The following TOGARAM2 variants were observed in gnomAD, a reference collection of about 807,000 sequenced individuals.
The protein encoded by TOGARAM2 is TOG array regulator of axonemal microtubules protein 2.
In TOGARAM2, 85 loss-of-function variants were observed where a neutral mutation model predicts 93.3. That is an observed-to-expected ratio of 0.91 (90% confidence interval 0.76 to 1.09). TOGARAM2 has a LOEUF of 1.09. Ranked by LOEUF, TOGARAM2 falls within the 50% of genes least tolerant of loss-of-function variation. The pLI is 0.00. For missense variants in TOGARAM2, 1,277 were observed against 1,334.5 expected (o/e 0.96, Z 0.67); for synonymous variants, 593 against 552.8 (o/e 1.07, Z -1.02).
At position 29,017,809 on chromosome 2, in the gene TOGARAM2, G is replaced by A. The variant is rs1428497076; in HGVS notation, c.1213G>A (p.Gly405Ser). ...FMKEGLLPLR[G>S]SGTLSVPTRL... is the part of the protein sequence containing the mutation. ...GTCCACAGGCCTCCTTCCCCTCCGG[G>A]GCAGCGGGACACTGTCTGTGCCCAC... The change falls in exon 10 of 20, where the codon GGC becomes AGC. Residue 405 changes from glycine (G) to serine (S), a missense_variant. Transcript: ENST00000379558. The A allele has an allele frequency of 6.8e-6, 11 of 1,610,434 alleles. No homozygotes were observed. The highest frequency in any genetic ancestry group is 8.5e-6 in the Non-Finnish European group (10 of 1,177,918).
At chr2:29,015,308 C>T (rs1342572309) in intron 8 of TOGARAM2, among the ~76,000 whole-genome samples, 1 of 152,176 alleles carries the variant, frequency 6.6e-6, no homozygotes, top group Non-Finnish European at 1.5e-5. Flanking sequence ...TCTGCGCTCC[C>T]TCCTGTGGCC....
chr2:28,986,216 C>T (rs1256222045), intron 1 of TOGARAM2, among the ~76,000 whole-genome samples: 7 of 151,690 alleles, frequency 4.6e-5, no homozygotes, highest in African/African-American at 1.7e-4. Context: ...CCCTGCTTGT[C>T]ACTTATCTCA....
rs545596352 is a variant in TOGARAM2, at chr2:29,002,593, G to A, written c.485G>A (p.Arg162Gln). The change falls in exon 5 of 20, where the codon CGA becomes CAA. Residue 162 changes from arginine to glutamine, a missense_variant. Coordinates refer to ENST00000379558, the MANE Select transcript of TOGARAM2 (RefSeq NM_199280.4). ...QGVPLHSTIP[R>Q]ATSQRLLRVP... ...GTTCCCCTGCACAGCACCATCCCCC[G>A]AGCCACCTCTCAGAGGCTGCTGAGG... is the stretch of plus-strand genomic sequence containing the variant. The A allele has an allele frequency of 8.7e-6, 14 of 1,613,844 alleles. No homozygotes were observed. Among genetic ancestry groups the A allele is most frequent in the Non-Finnish European group, 1.2e-5 (14 of 1,179,884 alleles).
intron 7 of TOGARAM2, among the ~76,000 whole-genome samples, chr2:29,011,888 C>T (rs758532111): frequency 4.1e-4 from 63 of 152,228 alleles, no homozygotes; most frequent in Admixed American, 1.0e-3. Flanking sequence ...CAAGTTTCCA[C>T]GGCTCCAAAG....
At chr2:29,008,460 T>A (rs11127200) in intron 6 of TOGARAM2, among the ~76,000 whole-genome samples, 120,711 of 150,294 alleles carry the variant, frequency 0.8, 48,839 homozygotes, top group Middle Eastern at 0.86. Context: ...CAATTAAAAA[T>A]ATATATATTT....
chr2:28,985,940 C>G (rs963799160), intron 1 of TOGARAM2, among the ~76,000 whole-genome samples: 1 of 151,984 alleles, frequency 6.6e-6, no homozygotes, highest in Admixed American at 6.6e-5. Flanking sequence ...CCCGTCACTA[C>G]TAATAATACA....
intron 3 of TOGARAM2, 126 bp downstream of exon 3, chr2:28,998,379 G>A: frequency 1.6e-6 from 1 of 644,606 alleles, no homozygotes; most frequent in African/African-American, 1.9e-5. Context: ...GGCTCCTGCT[G>A]AAAATACCCT....
intron 1 of TOGARAM2, among the ~76,000 whole-genome samples, chr2:28,985,211 T>A (rs1423212499): frequency 6.6e-6 from 1 of 152,112 alleles, no homozygotes; most frequent in Non-Finnish European, 1.5e-5. Context: ...TCTCTCTCTC[T>A]GCCATGTGAG....
chr2:29,005,186 G>A (rs1323155786), intron 6 of TOGARAM2, among the ~76,000 whole-genome samples: 2 of 128,900 alleles, frequency 1.6e-5, no homozygotes, highest in African/African-American at 2.8e-5. Flanking sequence ...GCATATGTGT[G>A]CAGTGTGTGT....
At chr2:28,979,970 C>T (rs1351840382), upstream of TOGARAM2, among the ~76,000 whole-genome samples, 1 of 152,204 alleles carries the variant, frequency 6.6e-6, no homozygotes, top group Non-Finnish European at 1.5e-5. Context: ...ATGGTTGAGT[C>T]GCTCTCACTC....
intron 1 of TOGARAM2, among the ~76,000 whole-genome samples, chr2:28,970,707 G>A (rs549713704): frequency 9.2e-5 from 14 of 152,254 alleles, no homozygotes; most frequent in South Asian, 2.1e-4. Context: ...ACCCACCTGC[G>A]CCCACTCTAT....
intron 5 of TOGARAM2, among the ~76,000 whole-genome samples, chr2:29,003,229 C>T (rs1673411077): frequency 6.6e-6 from 1 of 152,100 alleles, no homozygotes; most frequent in Admixed American, 6.5e-5. Flanking sequence ...GAGGTTTGGC[C>T]CAGATGTGTT....
chr2:28,980,876 G>A (rs529087087), upstream of TOGARAM2, among the ~76,000 whole-genome samples: 10 of 152,302 alleles, frequency 6.6e-5, no homozygotes, highest in South Asian at 2.1e-3. Flanking sequence ...AGGAAACTGA[G>A]GTCAAGAAAG....
chr2:29,016,637 AGAG>A (rs1356082128), intron 8 of TOGARAM2, among the ~76,000 whole-genome samples: 4 of 152,222 alleles, frequency 2.6e-5, no homozygotes, highest in Admixed American at 2.6e-4. Flanking sequence ...TGTGTCCTTC[AGAG>A]GAGAAGCCCA....
chr2:29,040,063 A>G (rs1008568235), intron 18 of TOGARAM2, among the ~76,000 whole-genome samples: 1 of 152,324 alleles, frequency 6.6e-6, no homozygotes, highest in East Asian at 1.9e-4. Context: ...TTATTACCTT[A>G]TATAAATCAT....
At chr2:29,000,341 C>G (rs1037693299) in intron 4 of TOGARAM2, among the ~76,000 whole-genome samples, 1 of 151,970 alleles carries the variant, frequency 6.6e-6, no homozygotes, top group African/African-American at 2.4e-5. Context: ...ATCTTAGCCC[C>G]GATACTCACT....
At chr2:28,959,961 G>A (rs1455983968) in intron 1 of TOGARAM2, among the ~76,000 whole-genome samples, 1 of 152,178 alleles carries the variant, frequency 6.6e-6, no homozygotes, top group African/African-American at 2.4e-5. Flanking sequence ...AGCCTACATT[G>A]TTTCTAGGCT....
rs143668748 is a variant in TOGARAM2, at chr2:29,021,479, C to G, written c.1361-679C>G. 6.1e-3 allele frequency among the ~76,000 whole-genome samples: 925 copies of G among 152,290 alleles called. 10 individuals are homozygous for G. The highest frequency in any genetic ancestry group is 0.021 in the African/African-American group (865 of 41,558). On this transcript the variant is annotated intron_variant, in intron 10 of 19. Transcript: ENST00000379558. ...TGTGTGATCAGGGCATTTGGCTAGA[C>G]AGAGGCCCTGTAAGACTCCTTCCTG... is the stretch of plus-strand genomic sequence containing the variant.
chr2:29,043,981 T>C (rs1485902727), intron 18 of TOGARAM2, among the ~76,000 whole-genome samples: 1 of 152,228 alleles, frequency 6.6e-6, no homozygotes, highest in African/African-American at 2.4e-5. Context: ...ACAGCCAATT[T>C]ATTCCGGAAA....
Sources: gnomAD v4.1 joint callset for allele counts (sites outside exome capture counted in the v4.1 genomes callset) on GRCh38, gnomAD v4.1.1 for gene constraint, MANE v1.5 for transcripts, NCBI Gene and HGNC (gene_info 2026-07-23, HGNC 2026-07-21) for gene names.